The following NRG1 variants were observed in gnomAD, a reference collection of about 807,000 sequenced individuals.
The protein encoded by NRG1 is pro-neuregulin-1, membrane-bound isoform.
In NRG1, 18 loss-of-function variants were observed where a neutral mutation model predicts 63.8. That is an observed-to-expected ratio of 0.28 (90% CI 0.19 to 0.42). The LOEUF (loss-of-function observed/expected upper bound fraction) is 0.42. NRG1 is among the 10% of genes least tolerant of loss of function. NRG1 has a pLI of 1.00. For missense variants in NRG1, 762 were observed against 814.7 expected (o/e 0.94, Z 0.79); for synonymous variants, 302 against 301.3 (o/e 1.00, Z -0.02).
At chr8:32,219,599 G>T (rs1845601154) in intron 1 of NRG1, among the ~76,000 whole-genome samples, 1 of 152,176 alleles carries the variant, frequency 6.6e-6, no homozygotes, top group Admixed American at 6.5e-5. Flanking sequence ...ACATTTGGGA[G>T]CACCTTAAGA....
At chr8:31,703,485 C>A (rs572573652) in intron 1 of NRG1, among the ~76,000 whole-genome samples, 262 of 152,222 alleles carry the variant, frequency 1.7e-3, no homozygotes, top group African/African-American at 5.9e-3. Flanking sequence ...TTCAATTATT[C>A]TGAAAGGACT....
chr8:32,054,149 G>A (rs572155840), intron 1 of NRG1, among the ~76,000 whole-genome samples: 83 of 152,082 alleles, frequency 5.5e-4, no homozygotes, highest in Non-Finnish European at 9.4e-4. Flanking sequence ...CCACTGCATT[G>A]TATACTGTGG....
chr8:32,589,799 A>G (rs530758638), intron 1 of NRG1, among the ~76,000 whole-genome samples: 1 of 152,240 alleles, frequency 6.6e-6, no homozygotes, highest in Non-Finnish European at 1.5e-5. Context: ...GATGATCAAA[A>G]CAAGAGGATT....
chr8:31,876,158 A>G (rs967528811), intron 1 of NRG1, among the ~76,000 whole-genome samples: 1 of 152,348 alleles, frequency 6.6e-6, no homozygotes, highest in African/African-American at 2.4e-5. Flanking sequence ...AGATTTCTCA[A>G]CAATCTTGAC....
At chr8:32,731,110 C>T (rs1823543946) in intron 6 of NRG1, among the ~76,000 whole-genome samples, 1 of 152,108 alleles carries the variant, frequency 6.6e-6, no homozygotes, top group Admixed American at 6.6e-5. Flanking sequence ...CAGTTCTTTT[C>T]CACATATTAA....
intron 1 of NRG1, among the ~76,000 whole-genome samples, chr8:32,519,607 G>A (rs1383230077): frequency 6.6e-6 from 1 of 151,984 alleles, no homozygotes; most frequent in African/African-American, 2.4e-5. Context: ...TAACAATAAT[G>A]TCACACACAT....
chr8:32,344,374 C>CTT (rs1381093360), intron 1 of NRG1, among the ~76,000 whole-genome samples: 2,594 of 96,638 alleles, frequency 0.027, 115 homozygotes, highest in Admixed American at 0.058. Context: ...TTCTTTCTTT[C>CTT]TTTCTTTCTC....
At chr8:32,267,231 C>T (rs1851075386) in intron 1 of NRG1, among the ~76,000 whole-genome samples, 1 of 152,092 alleles carries the variant, frequency 6.6e-6, no homozygotes, top group South Asian at 2.1e-4. Flanking sequence ...CCATCCATTA[C>T]ACACTGTAAT....
chr8:32,529,410 G>C (rs1418547006), intron 1 of NRG1, among the ~76,000 whole-genome samples: 1 of 152,054 alleles, frequency 6.6e-6, no homozygotes, highest in Non-Finnish European at 1.5e-5. Context: ...CTTCACATAG[G>C]CTGCACTAAA....
In NRG1 at chr8:32,760,857, A is replaced by T. The variant is rs1027294576; in HGVS notation, c.1259+451A>T. 6.0e-6 allele frequency: 6 copies of T among 1,001,832 alleles called. No homozygotes were observed. In the African/African-American group the frequency reaches 1.0e-4, roughly 17 times the overall value. The allele number at this position is 1,001,832 out of a possible 1,614,324, so 62.1% of individuals were successfully genotyped here. A position where few individuals can be genotyped will look rare whatever the true frequency, so the allele number is the denominator to read the frequency against. On this transcript the variant is annotated intron_variant, in intron 11 of 11. Coordinates refer to ENST00000356819, the Ensembl canonical transcript of NRG1. The stretch of plus-strand genomic sequence containing the variant: ...ATCTGCTAACCCTGTCTTACCTTCC[A>T]GCCTCAGTTAAGTCAAATCAAGGGC...
chr8:32,018,008 C>T, intron 1 of NRG1, among the ~76,000 whole-genome samples: 1 of 152,172 alleles, frequency 6.6e-6, no homozygotes, highest in East Asian at 1.9e-4. Context: ...CCTAAAGCTA[C>T]CTAGGGGTTG....
intron 1 of NRG1, among the ~76,000 whole-genome samples, chr8:31,667,738 C>A (rs2130977092): frequency 6.6e-6 from 1 of 152,236 alleles, no homozygotes; most frequent in South Asian, 2.1e-4. Context: ...TGGTACCCAG[C>A]AGTAAGAGTT....
chr8:32,134,377 C>T (rs1481700094), intron 1 of NRG1, among the ~76,000 whole-genome samples: 1 of 152,026 alleles, frequency 6.6e-6, no homozygotes, highest in East Asian at 1.9e-4. Context: ...AGTTCGTCTT[C>T]AAAATAAAGG....
intron 1 of NRG1, among the ~76,000 whole-genome samples, chr8:32,251,271 C>A (rs906288113): frequency 6.6e-6 from 1 of 151,938 alleles, no homozygotes; most frequent in African/African-American, 2.4e-5. Context: ...TGTGTTCTCA[C>A]TGTTCAACTC....
intron 5 of NRG1, among the ~76,000 whole-genome samples, chr8:32,666,835 GT>G (rs141507838): frequency 0.014 from 2,124 of 152,244 alleles, 48 homozygotes; most frequent in African/African-American, 0.048. Flanking sequence ...TTGTGTTTCT[GT>G]GAAACATCAT....
At chr8:31,821,419 G>C (rs965910318) in intron 1 of NRG1, among the ~76,000 whole-genome samples, 1 of 152,114 alleles carries the variant, frequency 6.6e-6, no homozygotes, top group Non-Finnish European at 1.5e-5. Context: ...TCCTTTTATG[G>C]AACTACAAGC....
chr8:32,677,085 A>G (rs1437695761), intron 5 of NRG1, among the ~76,000 whole-genome samples: 1 of 141,010 alleles, frequency 7.1e-6, no homozygotes, highest in Non-Finnish European at 1.6e-5. Flanking sequence ...TTTTGTGTTT[A>G]CCTCAAGAGT....
At chr8:31,722,194 A>T (rs1409877360) in intron 1 of NRG1, among the ~76,000 whole-genome samples, 3 of 152,086 alleles carry the variant, frequency 2.0e-5, no homozygotes, top group Non-Finnish European at 4.4e-5. Flanking sequence ...GCCCACTCAG[A>T]CCAGATCTAA....
At chr8:32,732,477 G>A (rs1823923018) in intron 6 of NRG1, among the ~76,000 whole-genome samples, 1 of 152,056 alleles carries the variant, frequency 6.6e-6, no homozygotes, top group Non-Finnish European at 1.5e-5. Context: ...CCAACATGTT[G>A]TCCAGTGGAC....
Sources: allele counts gnomAD v4.1 joint callset (sites outside exome capture counted in the v4.1 genomes callset), GRCh38; gene constraint gnomAD v4.1.1; transcripts MANE v1.5; gene names NCBI Gene and HGNC (gene_info 2026-07-23, HGNC 2026-07-21).